The following PRKN variants were observed in gnomAD, a reference collection of about 807,000 sequenced individuals.
PRKN encodes the protein parkin RBR E3 ubiquitin protein ligase.
Under a neutral mutation model 59.5 loss-of-function variants are expected in PRKN, and 56 were observed. That is an observed-to-expected ratio of 0.94 (90% confidence interval 0.76 to 1.18). The LOEUF (loss-of-function observed/expected upper bound fraction) is 1.18. Ranked by LOEUF, PRKN falls within the 50% of genes most tolerant of loss-of-function variation. The probability of loss-of-function intolerance (pLI) is 0.00; values close to 1 mark genes in which losing one functional copy is unlikely to be tolerated. For synonymous variants in PRKN, 250 were observed against 222.1 expected, an observed-to-expected ratio of 1.13 and a Z score of -1.12; for missense variants, 657 against 596.4, an observed-to-expected ratio of 1.10 and a Z score of -1.06.
chr6:162,155,009 G>T (rs781507810), intron 4 of PRKN, among the ~76,000 whole-genome samples: 5 of 149,664 alleles, frequency 3.3e-5, no homozygotes, highest in Admixed American at 6.7e-5. Flanking sequence ...GCACAAAAAG[G>T]ACTCTGAAGA....
At chr6:162,334,495 G>T (rs1783743671) in intron 2 of PRKN, among the ~76,000 whole-genome samples, 1 of 152,160 alleles carries the variant, frequency 6.6e-6, no homozygotes. Flanking sequence ...TTTACAGTGT[G>T]TTTTACCGAA....
At chr6:162,306,776 C>T (rs1782247483) in intron 2 of PRKN, among the ~76,000 whole-genome samples, 1 of 152,166 alleles carries the variant, frequency 6.6e-6, no homozygotes, top group Non-Finnish European at 1.5e-5. Context: ...GGTTAGGCCA[C>T]AACCTCAAAT....
intron 1 of PRKN, among the ~76,000 whole-genome samples, chr6:162,642,704 A>G (rs1778009182): frequency 6.6e-6 from 1 of 151,824 alleles, no homozygotes; most frequent in East Asian, 1.9e-4. Flanking sequence ...TATACTTAAA[A>G]TTGAAATATC....
chr6:161,729,070 C>T (rs1787568188), intron 7 of PRKN, among the ~76,000 whole-genome samples: 1 of 152,188 alleles, frequency 6.6e-6, no homozygotes, highest in South Asian at 2.1e-4. Context: ...AATTAACATA[C>T]AACAATTATT....
Position 161,529,407 on chromosome 6 carries a change from C to A in PRKN, c.1083+19447G>T, listed in dbSNP as rs556003436. Among the ~76,000 whole-genome samples, 1 of 152,238 alleles carries A rather than the reference C, an allele frequency of 6.6e-6. No homozygotes were observed. The highest frequency in any genetic ancestry group is 2.1e-4 in the South Asian group (1 of 4,824). On this transcript the variant is annotated intron_variant, in intron 9 of 11. Coordinates refer to ENST00000366898, the MANE Select transcript of PRKN (RefSeq NM_004562.3). The surrounding 1 kb of genome is among the most constrained non-coding windows in gnomAD (Gnocchi z 4.4). ...CCCATCTGCTCTGGTAATGTCAATA[C>A]CAGCATGCAAGAAAGCTCCGAGTCT... is the stretch of plus-strand genomic sequence containing the variant.
At chr6:162,405,299 T>C (rs571331111) in intron 2 of PRKN, among the ~76,000 whole-genome samples, 21 of 152,316 alleles carry the variant, frequency 1.4e-4, no homozygotes, top group South Asian at 8.3e-4. Context: ...CCCGAAAACA[T>C]GCCTATGTCC....
At chr6:161,453,136 T>C (rs1404931119) in intron 9 of PRKN, among the ~76,000 whole-genome samples, 2 of 152,168 alleles carry the variant, frequency 1.3e-5, no homozygotes, top group Non-Finnish European at 2.9e-5. Context: ...TGATGAAAGT[T>C]TTTAAAAAAT....
intron 4 of PRKN, among the ~76,000 whole-genome samples, chr6:162,065,932 G>A (rs1778319459): frequency 6.6e-6 from 1 of 152,132 alleles, no homozygotes; most frequent in Non-Finnish European, 1.5e-5. Flanking sequence ...AGAATTCCAT[G>A]GTGTATATGT....
chr6:161,690,901 C>G (rs1172278520), intron 7 of PRKN, among the ~76,000 whole-genome samples: 1 of 152,182 alleles, frequency 6.6e-6, no homozygotes, highest in Non-Finnish European at 1.5e-5. Context: ...ACGCAAGAAC[C>G]AATTTCTCAT....
intron 6 of PRKN, among the ~76,000 whole-genome samples, chr6:161,932,236 A>G (rs1779193105): frequency 6.6e-6 from 1 of 152,120 alleles, no homozygotes; most frequent in African/African-American, 2.4e-5. Context: ...TAAAAAGCAA[A>G]CATACATATT....
At chr6:161,501,097 A>G (rs190698004) in intron 9 of PRKN, among the ~76,000 whole-genome samples, 1 of 151,724 alleles carries the variant, frequency 6.6e-6, no homozygotes, top group East Asian at 1.9e-4. Flanking sequence ...CTAGTCTCGA[A>G]CTCCTGACCT....
At chr6:162,546,812 A>G (rs1354692028) in intron 1 of PRKN, among the ~76,000 whole-genome samples, 1 of 152,034 alleles carries the variant, frequency 6.6e-6, no homozygotes, top group Non-Finnish European at 1.5e-5. Flanking sequence ...TACACGCCTA[A>G]TTGAAAGACA....
intron 7 of PRKN, among the ~76,000 whole-genome samples, chr6:161,572,654 C>T (rs192689181): frequency 7.1e-6 from 1 of 140,056 alleles, no homozygotes; most frequent in East Asian, 2.1e-4. Context: ...CAGCAAGACT[C>T]TGTCTCAATA....
chr6:162,510,565 A>G (rs374243729), intron 1 of PRKN, among the ~76,000 whole-genome samples: 2 of 152,164 alleles, frequency 1.3e-5, no homozygotes, highest in East Asian at 3.9e-4. Context: ...GCCTATTTAT[A>G]ATAGAAAAAC....
chr6:161,778,807 A>C (rs1790066742), intron 7 of PRKN, among the ~76,000 whole-genome samples: 1 of 152,208 alleles, frequency 6.6e-6, no homozygotes, highest in Admixed American at 6.5e-5. Flanking sequence ...ATCTGACCAC[A>C]GACAGGATCA....
intron 9 of PRKN, among the ~76,000 whole-genome samples, chr6:161,481,637 A>C (rs1303258243): frequency 6.7e-6 from 1 of 149,894 alleles, no homozygotes; most frequent in East Asian, 1.9e-4. Context: ...AAACAAAAAA[A>C]CAAAAACAAA....
chr6:162,430,152 T>C (rs1347311485), intron 2 of PRKN, among the ~76,000 whole-genome samples: 1 of 132,406 alleles, frequency 7.6e-6, no homozygotes, highest in Non-Finnish European at 1.6e-5. Flanking sequence ...TTGATGATGA[T>C]GACGATGACG....
At chr6:162,048,306 T>G (rs550462601) in intron 5 of PRKN, among the ~76,000 whole-genome samples, 1 of 152,316 alleles carries the variant, frequency 6.6e-6, no homozygotes, top group East Asian at 1.9e-4. Context: ...AAATTTTCTT[T>G]CTTTTTTATT....
chr6:162,578,125 G>A (rs1259451109), intron 1 of PRKN, among the ~76,000 whole-genome samples: 1 of 151,844 alleles, frequency 6.6e-6, no homozygotes, highest in African/African-American at 2.4e-5. Context: ...AACTCATAGG[G>A]GTTTATCAAG....
Sources: allele counts gnomAD v4.1 joint callset (sites outside exome capture counted in the v4.1 genomes callset), GRCh38; gene constraint gnomAD v4.1.1; non-coding constraint Gnocchi (gnomAD v3.1); transcripts MANE v1.5; gene names NCBI Gene and HGNC (gene_info 2026-07-23, HGNC 2026-07-21).